Variants in DLGAP2 observed in about 807,000 individuals in gnomAD.
DLGAP2 encodes DLG associated protein 2, also known as disks large-associated protein 2.
Under a neutral mutation model 100.3 loss-of-function variants are expected in DLGAP2, and 26 were observed. The ratio of observed to expected loss-of-function variants is 0.26; its 90% CI spans 0.19 to 0.36. The LOEUF (loss-of-function observed/expected upper bound fraction) is 0.36. Ranked by LOEUF, DLGAP2 falls within the 10% of genes least tolerant of loss-of-function variation. The pLI is 1.00. For synonymous variants in DLGAP2, 886 were observed against 630.1 expected, an observed-to-expected ratio of 1.41 and a Z score of -6.08; for missense variants, 1,858 against 1,453.2, an observed-to-expected ratio of 1.28 and a Z score of -4.53.
intron 2 of DLGAP2, among the ~76,000 whole-genome samples, chr8:1,242,279 C>G (rs1027133527): frequency 6.6e-6 from 1 of 152,028 alleles, no homozygotes; most frequent in Non-Finnish European, 1.5e-5. Flanking sequence ...GGTTGGTTGT[C>G]AGACATATGA....
intron 3 of DLGAP2, among the ~76,000 whole-genome samples, chr8:1,409,990 G>A (rs929067358): frequency 1.3e-5 from 2 of 152,202 alleles, no homozygotes; most frequent in Non-Finnish European, 2.9e-5. Flanking sequence ...TGTGTGTCCT[G>A]TTGGTTCCAT....
chr8:1,194,462 GC>G (rs1455471006), intron 2 of DLGAP2, among the ~76,000 whole-genome samples: 2 of 152,148 alleles, frequency 1.3e-5, no homozygotes, highest in Non-Finnish European at 2.9e-5. Context: ...GGGGAGGACG[GC>G]AGAGCTTCCC....
intron 3 of DLGAP2, among the ~76,000 whole-genome samples, chr8:1,395,021 T>A (rs371502630): frequency 0.62 from 36 of 58 alleles, 12 homozygotes; most frequent in Non-Finnish European, 0.67. Context: ...GTGTATTGAG[T>A]GCTTACTGAG....
chr8:1,130,268 A>G (rs938536812), intron 2 of DLGAP2, among the ~76,000 whole-genome samples: 1 of 151,956 alleles, frequency 6.6e-6, no homozygotes, highest in African/African-American at 2.4e-5. Flanking sequence ...GGAGAAGGAG[A>G]TGTTTGGATT....
chr8:1,263,718 A>G (rs1358017202), intron 3 of DLGAP2, among the ~76,000 whole-genome samples: 1 of 152,140 alleles, frequency 6.6e-6, no homozygotes, highest in African/African-American at 2.4e-5. Context: ...TTGCTTCTTG[A>G]AATTGCATAT....
chr8:1,057,573 T>C (rs577457335), intron 2 of DLGAP2, among the ~76,000 whole-genome samples: 2 of 152,356 alleles, frequency 1.3e-5, no homozygotes, highest in Middle Eastern at 3.4e-3. Flanking sequence ...CTTATGTCTA[T>C]CTATGGAAGA....
At chr8:1,249,435 C>G (rs1177566160) in intron 2 of DLGAP2, among the ~76,000 whole-genome samples, 1 of 152,176 alleles carries the variant, frequency 6.6e-6, no homozygotes, top group Admixed American at 6.5e-5. Context: ...ATACAACTTT[C>G]TTCTGTTTCT....
At position 1,345,282 on chromosome 8, in the gene DLGAP2, A is replaced by T. The variant is rs55672131; in HGVS notation, c.106+86399A>T. On this transcript the variant is annotated intron_variant, in intron 3 of 14. Coordinates refer to ENST00000637795, the MANE Select transcript of DLGAP2 (RefSeq NM_001346810.2). ...TGTGCGGTCTGTTTCTCTGCTTAAG[A>T]TGGAGGTTCAGTTCCTTCAGAGCAG... 1.2e-4 allele frequency among the ~76,000 whole-genome samples: 15 copies of T among 121,008 alleles called. No homozygotes were observed. In the Admixed American group the frequency reaches 1.3e-3, roughly 11 times the overall value. The allele number at this position is 121,008 out of a possible 152,430, so 79.4% of individuals were successfully genotyped here. A position where few individuals can be genotyped will look rare whatever the true frequency, so the allele number is the denominator to read the frequency against.
intron 6 of DLGAP2, among the ~76,000 whole-genome samples, chr8:1,626,359 GCAGGTGC>G (rs1797497575): frequency 8.4e-6 from 1 of 118,372 alleles, no homozygotes; most frequent in African/African-American, 3.6e-5. Flanking sequence ...CTACCCTGCA[GCAGGTGC>G]TCAGCCTCTG....
At chr8:1,255,728 T>C (rs1480169062) in intron 2 of DLGAP2, among the ~76,000 whole-genome samples, 2 of 132,320 alleles carry the variant, frequency 1.5e-5, no homozygotes, top group African/African-American at 6.6e-5. Flanking sequence ...GTGTGTCCTC[T>C]CCTGCCCGAG....
intron 3 of DLGAP2, among the ~76,000 whole-genome samples, chr8:1,481,149 G>A (rs992116264): frequency 6.6e-6 from 1 of 152,058 alleles, no homozygotes; most frequent in Non-Finnish European, 1.5e-5. Context: ...TCCAGCCTTG[G>A]TGACAGAGCG....
chr8:977,238 G>A (rs945126882), intron 2 of DLGAP2, among the ~76,000 whole-genome samples: 1 of 152,204 alleles, frequency 6.6e-6, no homozygotes, highest in Admixed American at 6.5e-5. Flanking sequence ...GCCTCTGTCT[G>A]TACCTGGTTG....
At position 1,391,331 on chromosome 8, in the gene DLGAP2, C is replaced by G. The variant is rs11136388; in HGVS notation, c.107-110035C>G. On this transcript the variant is annotated intron_variant, in intron 3 of 14. Coordinates refer to ENST00000637795, the MANE Select transcript of DLGAP2 (RefSeq NM_001346810.2). ...AGGGGTTTTGGGGTACCCTGCAGAA[C>G]GACCTGGCAGTACCCATGAGTCTGG... is the stretch of plus-strand genomic sequence containing the variant. 9.3e-3 allele frequency among the ~76,000 whole-genome samples: 1,411 copies of G among 151,862 alleles called. 23 individuals are homozygous for G. The highest frequency in any genetic ancestry group is 0.032 in the African/African-American group (1,327 of 41,398).
chr8:1,629,447 C>T (rs1054001181), intron 7 of DLGAP2, among the ~76,000 whole-genome samples: 3 of 152,216 alleles, frequency 2.0e-5, no homozygotes, highest in Admixed American at 6.5e-5. Flanking sequence ...CAAACAATAA[C>T]ATCAACTGAT....
At chr8:984,037 G>A (rs1205450417) in intron 2 of DLGAP2, among the ~76,000 whole-genome samples, 2 of 152,102 alleles carry the variant, frequency 1.3e-5, no homozygotes, top group Non-Finnish European at 2.9e-5. Flanking sequence ...ATGGTCCTTG[G>A]GTGTGCGGGC....
intron 3 of DLGAP2, among the ~76,000 whole-genome samples, chr8:1,278,315 C>A (rs1226257745): frequency 6.6e-6 from 1 of 152,306 alleles, no homozygotes; most frequent in African/African-American, 2.4e-5. Context: ...AATTAGACAG[C>A]ATGGTCCTTG....
chr8:1,110,506 G>T (rs1240087844), intron 2 of DLGAP2, among the ~76,000 whole-genome samples: 1 of 151,180 alleles, frequency 6.6e-6, no homozygotes, highest in Non-Finnish European at 1.5e-5. Flanking sequence ...GTGTGCACGT[G>T]CCTGTGAAGT....
chr8:1,195,094 G>A (rs570611974), intron 2 of DLGAP2, among the ~76,000 whole-genome samples: 3 of 152,246 alleles, frequency 2.0e-5, no homozygotes, highest in Admixed American at 2.0e-4. Context: ...CCAGGCCCCC[G>A]GCATCCTCAT....
At chr8:1,107,440 C>T (rs1804812847) in intron 2 of DLGAP2, among the ~76,000 whole-genome samples, 1 of 152,222 alleles carries the variant, frequency 6.6e-6, no homozygotes, top group South Asian at 2.1e-4. Flanking sequence ...AAGGAAGCGT[C>T]TGTGCACCAG....
Sources: allele counts gnomAD v4.1 joint callset (sites outside exome capture counted in the v4.1 genomes callset), GRCh38; gene constraint gnomAD v4.1.1; transcripts MANE v1.5; gene names NCBI Gene and HGNC (gene_info 2026-07-23, HGNC 2026-07-21).